PLXDC2: variants seen among roughly 807,000 people sequenced by gnomAD.
The protein encoded by PLXDC2 is plexin domain containing 2, also known as plexin domain-containing protein 2.
Under a neutral mutation model 68.9 loss-of-function variants are expected in PLXDC2, and 40 were observed. The ratio of observed to expected loss-of-function variants is 0.58; its 90% CI spans 0.45 to 0.76. The LOEUF (loss-of-function observed/expected upper bound fraction) is 0.76, where lower values mean the gene tolerates loss of function less well. Ranked by LOEUF, PLXDC2 falls within the 30% of genes least tolerant of loss-of-function variation. The pLI is 0.00. For synonymous variants in PLXDC2, 243 were observed against 234.2 expected (o/e 1.04, Z -0.34); for missense variants, 644 against 661.9 (o/e 0.97, Z 0.30).
chr10:20,287,987 G>GGGGGA lies in PLXDC2; in HGVS notation c.*8172_*8173insAGGGG, dbSNP rs1343887732. ...TTGGGCACTTCTTGCGGCGGGGGAG[G>GGGGGA]GGGGGGGGGCGGTGGCTTTCCAGAT... On this transcript the variant is annotated 3_prime_UTR_variant, in exon 14 of 14. Coordinates refer to ENST00000377252, the MANE Select transcript of PLXDC2 (RefSeq NM_032812.9). The GGGGGA allele has an allele frequency of 8.1e-4, 81 of 99,902 alleles. 3 individuals carry two copies. The highest frequency in any genetic ancestry group is 2.4e-3 in the African/African-American group (64 of 26,588). 6.2% of individuals were successfully genotyped at this position (99,902 alleles called of 1,614,324 possible).
intron 1 of PLXDC2, among the ~76,000 whole-genome samples, chr10:19,848,347 C>A (rs910248248): frequency 6.6e-6 from 1 of 152,090 alleles, no homozygotes; most frequent in African/African-American, 2.4e-5. Context: ...TGGTGGTTTT[C>A]ACTGTGTGTG....
intron 9 of PLXDC2, among the ~76,000 whole-genome samples, chr10:20,200,162 A>G (rs1002922900): frequency 2.0e-5 from 3 of 151,904 alleles, no homozygotes; most frequent in Admixed American, 6.6e-5. Context: ...AAATAGTATT[A>G]AAGGGAAAAT....
intron 7 of PLXDC2, among the ~76,000 whole-genome samples, chr10:20,170,367 T>C (rs1408033815): frequency 6.6e-6 from 1 of 152,126 alleles, no homozygotes; most frequent in East Asian, 1.9e-4. Context: ...TTTTTGTATT[T>C]TTAGTAGAGA....
At chr10:20,162,303 A>G (rs923267118) in intron 6 of PLXDC2, among the ~76,000 whole-genome samples, 2 of 152,328 alleles carry the variant, frequency 1.3e-5, no homozygotes, top group East Asian at 3.9e-4. Context: ...TACTATACAT[A>G]ATGACATAAT....
chr10:19,975,751 GA>G (rs1834444490), intron 1 of PLXDC2, among the ~76,000 whole-genome samples: 1 of 152,016 alleles, frequency 6.6e-6, no homozygotes, highest in Admixed American at 6.6e-5. Context: ...TAGTTTCCTG[GA>G]AAAGAATATT....
intron 13 of PLXDC2, among the ~76,000 whole-genome samples, chr10:20,276,981 G>A (rs1228093344): frequency 2.6e-5 from 4 of 152,136 alleles, no homozygotes; most frequent in African/African-American, 9.6e-5. Context: ...GGAGGCTGAG[G>A]TGGGTGGATC....
chr10:20,271,787 C>A (rs746658339), intron 13 of PLXDC2, among the ~76,000 whole-genome samples: 1 of 152,068 alleles, frequency 6.6e-6, no homozygotes, highest in Non-Finnish European at 1.5e-5. Flanking sequence ...TAGTGCAGTG[C>A]CATGTAATAG....
intron 2 of PLXDC2, among the ~76,000 whole-genome samples, chr10:20,015,715 G>T (rs1835199259): frequency 6.6e-6 from 1 of 152,014 alleles, no homozygotes; most frequent in Non-Finnish European, 1.5e-5. Flanking sequence ...CAGAAATTAT[G>T]AAAAGATAGA....
chr10:20,148,848 C>T (rs1296094608), intron 6 of PLXDC2, among the ~76,000 whole-genome samples: 2 of 152,048 alleles, frequency 1.3e-5, no homozygotes, highest in Non-Finnish European at 2.9e-5. Context: ...GAAAGAATGC[C>T]CTTTGGTCAA....
intron 6 of PLXDC2, among the ~76,000 whole-genome samples, chr10:20,155,128 C>G (rs1834201285): frequency 6.6e-6 from 1 of 152,162 alleles, no homozygotes; most frequent in African/African-American, 2.4e-5. Flanking sequence ...GTTAATAAAT[C>G]ACCATTGCCA....
chr10:20,067,989 A>G (rs905282369), intron 3 of PLXDC2, among the ~76,000 whole-genome samples, 181 bp from the exon 4 acceptor site: 4 of 152,184 alleles, frequency 2.6e-5, no homozygotes, highest in Non-Finnish European at 5.9e-5. Flanking sequence ...ACATACTTCA[A>G]AACTTTAATT....
intron 9 of PLXDC2, among the ~76,000 whole-genome samples, chr10:20,177,868 C>T (rs906763857): frequency 2.7e-5 from 4 of 149,984 alleles, no homozygotes; most frequent in African/African-American, 5.0e-5. Flanking sequence ...AAACAAAACT[C>T]GTAAGTGGGT....
intron 2 of PLXDC2, among the ~76,000 whole-genome samples, chr10:20,039,226 GA>G (rs1358436629): frequency 1.3e-5 from 2 of 151,996 alleles, no homozygotes; most frequent in Non-Finnish European, 2.9e-5. Context: ...ATAAATGAGA[GA>G]AAAAAGGAGA....
chr10:19,855,654 A>G (rs1410498574), intron 1 of PLXDC2, among the ~76,000 whole-genome samples: 1 of 152,198 alleles, frequency 6.6e-6, no homozygotes, highest in African/African-American at 2.4e-5. Flanking sequence ...TTTGAGCATC[A>G]TGTCAGCCCT....
chr10:20,110,188 C>A (rs1050138875), intron 4 of PLXDC2, among the ~76,000 whole-genome samples: 1 of 151,958 alleles, frequency 6.6e-6, no homozygotes, highest in East Asian at 1.9e-4. Flanking sequence ...TGGTGTTATG[C>A]AAGGAGGGGT....
chr10:20,038,192 C>T (rs1227540170), intron 2 of PLXDC2, among the ~76,000 whole-genome samples: 4 of 151,414 alleles, frequency 2.6e-5, no homozygotes, highest in South Asian at 2.1e-4. Flanking sequence ...GCTGAGATCA[C>T]GCCACCGCAT....
chr10:19,956,708 T>G (rs1241841082), intron 1 of PLXDC2, among the ~76,000 whole-genome samples: 1 of 152,234 alleles, frequency 6.6e-6, no homozygotes, highest in Non-Finnish European at 1.5e-5. Context: ...CTCACATATT[T>G]ATGTGTCCCT....
intron 9 of PLXDC2, among the ~76,000 whole-genome samples, chr10:20,187,553 T>C (rs1004975015): frequency 6.6e-6 from 1 of 151,690 alleles, no homozygotes; most frequent in African/African-American, 2.4e-5. Context: ...ATTACAGTTA[T>C]TGACATAACT....
At position 20,087,344 on chromosome 10, in the gene PLXDC2, A is replaced by T. The variant is rs762852521; in HGVS notation, c.541+19105A>T. ...TTGAGGATCTACCTGTAACTCAGAG[A>T]ATATTTAAGATAATTTATTACTACT... is the stretch of plus-strand genomic sequence containing the variant. On this transcript the variant is annotated intron_variant, in intron 4 of 13. Coordinates refer to ENST00000377252, the MANE Select transcript of PLXDC2 (RefSeq NM_032812.9). 4.6e-5 allele frequency among the ~76,000 whole-genome samples: 7 copies of T among 152,350 alleles called. No homozygotes were observed. In the Middle Eastern group the frequency reaches 0.01, roughly 222 times the overall value.
Sources: allele counts gnomAD v4.1 joint callset (sites outside exome capture counted in the v4.1 genomes callset), GRCh38; gene constraint gnomAD v4.1.1; transcripts MANE v1.5; gene names NCBI Gene and HGNC (gene_info 2026-07-23, HGNC 2026-07-21).